Variants in EYS observed in about 807,000 individuals in gnomAD.
EYS encodes EGF-like photoreceptor maintenance factor.
In EYS, 250 loss-of-function variants were observed where a neutral mutation model predicts 282.1. The observed-to-expected ratio is 0.89, with a 90% CI of 0.80 to 0.98. The LOEUF (loss-of-function observed/expected upper bound fraction) is 0.98, where lower values mean the gene tolerates loss of function less well. EYS is among the 50% of genes least tolerant of loss of function. The pLI, the probability that EYS is intolerant of heterozygous loss-of-function variation, is 0.00. For missense variants in EYS, 4,016 were observed against 3,709.0 expected (o/e 1.08, Z -2.15); for synonymous variants, 1,355 against 1,282.9 (o/e 1.06, Z -1.20).
At chr6:63,866,236 A>G (rs1479516613) in intron 35 of EYS, among the ~76,000 whole-genome samples, 4 of 149,724 alleles carry the variant, frequency 2.7e-5, no homozygotes. Context: ...TTCTGGTGTG[A>G]CCTAAAGTAT....
chr6:64,654,848 G>A (rs553208681), intron 22 of EYS, among the ~76,000 whole-genome samples: 77 of 152,206 alleles, frequency 5.1e-4, no homozygotes, highest in Non-Finnish European at 1.0e-3. Flanking sequence ...AAAGTCACCG[G>A]CTAAATGTCA....
chr6:64,436,931 T>G (rs567967794), intron 27 of EYS, among the ~76,000 whole-genome samples: 1 of 151,908 alleles, frequency 6.6e-6, no homozygotes, highest in African/African-American at 2.4e-5. Context: ...AGAGAGGGGC[T>G]TTAATATTTT....
intron 2 of EYS, among the ~76,000 whole-genome samples, chr6:65,519,708 A>ATATTTTTTTTTT (rs1554205854): frequency 2.3e-5 from 1 of 42,562 alleles, no homozygotes; most frequent in African/African-American, 1.3e-4. Flanking sequence ...ATATATATAT[A>ATATTTTTTTTTT]TTTTTTTTTT....
intron 26 of EYS, among the ~76,000 whole-genome samples, chr6:64,476,160 G>C (rs924768724): frequency 6.6e-6 from 1 of 152,028 alleles, no homozygotes; most frequent in African/African-American, 2.4e-5. Flanking sequence ...CTTTTAATTA[G>C]CAATCCTGGA....
intron 31 of EYS, among the ~76,000 whole-genome samples, chr6:64,176,815 G>A (rs1386000092): frequency 6.6e-6 from 1 of 151,890 alleles, no homozygotes; most frequent in African/African-American, 2.4e-5. Context: ...TCTCTGTTAT[G>A]TCTTCATATA....
chr6:64,144,045 G>A (rs1379290831), intron 31 of EYS, among the ~76,000 whole-genome samples: 1 of 152,110 alleles, frequency 6.6e-6, no homozygotes, highest in African/African-American at 2.4e-5. Context: ...GAATTTCAGG[G>A]GTTTCCAGCT....
chr6:64,262,110 G>A (rs6915053), intron 30 of EYS, among the ~76,000 whole-genome samples: 103,471 of 151,748 alleles, frequency 0.68, 35,292 homozygotes, highest in South Asian at 0.71. Context: ...AATTGTAAAT[G>A]TAATTATGAT....
intron 30 of EYS, 48 bp downstream of exon 30, chr6:64,306,922 T>A (rs1162697294): frequency 1.2e-6 from 1 of 841,302 alleles, no homozygotes; most frequent in Non-Finnish European, 2.0e-6. Flanking sequence ...TATCTTTTGG[T>A]GTGGTTATTT....
chr6:64,192,351 A>C (rs1047825496), intron 31 of EYS, among the ~76,000 whole-genome samples: 1 of 152,080 alleles, frequency 6.6e-6, no homozygotes, highest in Non-Finnish European at 1.5e-5. Context: ...CCATTTGTCA[A>C]TTTTGGCTTT....
At chr6:65,091,439 G>GACTACATC (rs1391392248) in intron 12 of EYS, among the ~76,000 whole-genome samples, 1 of 123,310 alleles carries the variant, frequency 8.1e-6, no homozygotes, top group Non-Finnish European at 1.8e-5. Flanking sequence ...GAGAGAGCGA[G>GACTACATC]ACTACATCTC....
chr6:64,514,170 C>G (rs1562035505), intron 26 of EYS, among the ~76,000 whole-genome samples: 1 of 151,624 alleles, frequency 6.6e-6, no homozygotes. Context: ...TTCTCTCCGG[C>G]CAGGACATAA....
chr6:63,758,117 G>A (rs970513210), intron 41 of EYS, among the ~76,000 whole-genome samples: 1 of 152,054 alleles, frequency 6.6e-6, no homozygotes, highest in Non-Finnish European at 1.5e-5. Context: ...TGCCCAGGCT[G>A]GTCTAGAACT....
intron 13 of EYS, among the ~76,000 whole-genome samples, chr6:65,055,446 T>C (rs375429491): frequency 1.3e-5 from 2 of 152,122 alleles, no homozygotes; most frequent in East Asian, 3.9e-4. Context: ...CCTATGCTAC[T>C]ATGGTACATT....
intron 28 of EYS, among the ~76,000 whole-genome samples, chr6:64,435,872 C>T (rs879584327): frequency 7.2e-5 from 11 of 151,776 alleles, no homozygotes; most frequent in Non-Finnish European, 1.3e-4. Context: ...TTACTTTGTT[C>T]ATCAAAAGAA....
chr6:65,123,379 C>T lies in EYS; in HGVS notation c.2024-65652G>A, dbSNP rs139473141. Among the ~76,000 whole-genome samples the T allele has an allele frequency of 6.9e-3, 1,043 of 152,168 alleles. 10 individuals are homozygous for T. Among genetic ancestry groups the T allele is most frequent in the Non-Finnish European group, 9.3e-3 (635 of 67,996 alleles). ...TACCTTATTAGAAAATAGAGGAAGT[C>T]ACCTCACATTGCCATAAATGAGAAA... On this transcript the variant is annotated intron_variant, in intron 12 of 42. Coordinates refer to ENST00000503581, the MANE Select transcript of EYS (RefSeq NM_001142800.2).
At chr6:64,100,927 C>A (rs754622794) in intron 31 of EYS, among the ~76,000 whole-genome samples, 2 of 152,074 alleles carry the variant, frequency 1.3e-5, no homozygotes, top group African/African-American at 2.4e-5. Flanking sequence ...GAGTTCTAAA[C>A]TTTATTTATT....
intron 35 of EYS, among the ~76,000 whole-genome samples, chr6:63,933,267 C>G (rs770453988): frequency 2.6e-5 from 4 of 152,168 alleles, no homozygotes; most frequent in Non-Finnish European, 5.9e-5. Context: ...AAGTCTCACT[C>G]TGTCTCCCAG....
chr6:65,218,974 GACA>G (rs1039114176), intron 12 of EYS, among the ~76,000 whole-genome samples: 1 of 151,880 alleles, frequency 6.6e-6, no homozygotes, highest in African/African-American at 2.4e-5. Flanking sequence ...AGTAAAATAA[GACA>G]ACTTCAGAAT....
intron 26 of EYS, among the ~76,000 whole-genome samples, chr6:64,540,475 A>ATTTTTTTTTT (rs397888030): frequency 1.2e-5 from 1 of 83,496 alleles, no homozygotes; most frequent in Non-Finnish European, 2.3e-5. Context: ...CCAAGTACAG[A>ATTTTTTTTTT]TTTTTTTTTT....
Sources: allele counts gnomAD v4.1 joint callset (sites outside exome capture counted in the v4.1 genomes callset), GRCh38; gene constraint gnomAD v4.1.1; transcripts MANE v1.5; gene names NCBI Gene and HGNC (gene_info 2026-07-23, HGNC 2026-07-21).